The following HTR7 variants were observed in gnomAD, a reference collection of about 807,000 sequenced individuals.
The protein encoded by HTR7 is 5-hydroxytryptamine receptor 7, also known as 5-HT-7.
HTR7 carries 16 observed loss-of-function variants against 34.0 expected under a neutral mutation model. The ratio of observed to expected loss-of-function variants is 0.47; its 90% CI spans 0.32 to 0.71. HTR7 has a LOEUF of 0.71. Ranked by LOEUF, HTR7 falls within the 30% of genes least tolerant of loss-of-function variation. The pLI, the probability that HTR7 is intolerant of heterozygous loss-of-function variation, is 0.04. For synonymous variants in HTR7, 265 were observed against 260.2 expected (o/e 1.02, Z -0.18); for missense variants, 504 against 625.5 (o/e 0.81, Z 2.07).
chr10:90,808,180 G>A lies in HTR7; in HGVS notation c.539+48953C>T, dbSNP rs534666584. Among the ~76,000 whole-genome samples, 9 of 152,210 alleles carry A rather than the reference G, an allele frequency of 5.9e-5. No individual in the cohort carries two copies. In the East Asian group the frequency reaches 9.7e-4, roughly 16 times the overall value. ...CCTGCCTTGGTCCTTCACCCTTAGC[G>A]GCAAGTCCCACTTTTCTGGGGGGGG... On this transcript the variant is annotated intron_variant, in intron 1 of 3. Transcript: ENST00000336152.
chr10:90,762,669 T>A (rs1293525326), intron 1 of HTR7, among the ~76,000 whole-genome samples: 4 of 152,214 alleles, frequency 2.6e-5, no homozygotes, highest in African/African-American at 9.6e-5. Flanking sequence ...TTTGCTTTTG[T>A]TGCTTGTCCT....
chr10:90,749,068 T>A lies in HTR7; in HGVS notation c.1066A>T (p.Thr356Ser), dbSNP rs780488104. 1 of 1,614,026 alleles carries A rather than the reference T, an allele frequency of 6.2e-7. No homozygotes were observed. The highest frequency in any genetic ancestry group is 8.5e-7 in the Non-Finnish European group (1 of 1,179,962). ...LSTARPFICGTSCSCIPLWVE... is the reference protein window; with the variant it reads ...LSTARPFICGSSCSCIPLWVE... ...CACAGTGGGATGCAGCTGCAGGAAG[T>A]GCCACAGATGAAGGGTCTGGCTGTC... The change falls in exon 2 of 4, where the codon ACT becomes TCT. Residue 356 changes from threonine to serine, a missense_variant. By Grantham distance (58) the Thr-to-Ser change is moderately conservative. Around this residue, in one of 4 missense-constraint regions of HTR7, gnomAD observed 154 missense variants for 212.1 expected, o/e 0.73. Transcript: ENST00000336152. This position sits in a 1 kb window ranked among gnomAD's most constrained non-coding sequence, Gnocchi z 4.2.
intron 1 of HTR7, among the ~76,000 whole-genome samples, chr10:90,799,340 T>G (rs534014562): frequency 1.3e-3 from 31 of 22,996 alleles, no homozygotes; most frequent in Admixed American, 3.0e-3. Flanking sequence ...CGGCTCTGCA[T>G]GAATGAATGA....
intron 1 of HTR7, among the ~76,000 whole-genome samples, chr10:90,779,867 C>G (rs1845277931): frequency 6.6e-6 from 1 of 152,174 alleles, no homozygotes; most frequent in Non-Finnish European, 1.5e-5. Context: ...TTATTTTTTA[C>G]CTCCATACTT....
rs970982060 is a variant in HTR7, at chr10:90,830,364, T to C, written c.539+26769A>G. On this transcript the variant is annotated intron_variant, in intron 1 of 3. Transcript: ENST00000336152. Reference sequence around the variant, plus strand: ...CTTGCTTACACAGCTTCTAAATTTGTAACCAGATGAAACACAGAAGCCCAT... The same window carrying C: ...CTTGCTTACACAGCTTCTAAATTTGCAACCAGATGAAACACAGAAGCCCAT... Among the ~76,000 whole-genome samples the C allele has an allele frequency of 2.0e-5, 3 of 152,238 alleles. No individual in the cohort carries two copies. The East Asian group carries it at 5.8e-4, about 29-fold the overall frequency.
At chr10:90,833,113 C>T (rs1039555897) in intron 1 of HTR7, among the ~76,000 whole-genome samples, 2 of 152,150 alleles carry the variant, frequency 1.3e-5, no homozygotes, top group East Asian at 1.9e-4. Flanking sequence ...GAGGATAGCT[C>T]GACCTCAACT....
Position 90,740,912 on chromosome 10 carries a change from T to C in HTR7, c.*1570A>G, listed in dbSNP as rs1277253831. ...TAAAACATTTTCAAGTTTAACAATA[T>C]GTATCTGACCATAAATAATCATTTA... On this transcript the variant is annotated 3_prime_UTR_variant, in exon 4 of 4. Coordinates refer to ENST00000336152, the MANE Select transcript of HTR7 (RefSeq NM_019859.4). 6.6e-6 allele frequency: 1 copy of C among 152,582 alleles called. No homozygotes were observed. The highest frequency in any genetic ancestry group is 1.5e-5 in the Non-Finnish European group (1 of 68,030). 9.5% of individuals were successfully genotyped at this position (152,582 alleles called of 1,614,324 possible).
At chr10:90,817,569 C>A (rs1427074261) in intron 1 of HTR7, among the ~76,000 whole-genome samples, 3 of 152,204 alleles carry the variant, frequency 2.0e-5, no homozygotes. Context: ...TGTCTCACTG[C>A]TGCCCCATCC....
intron 1 of HTR7, among the ~76,000 whole-genome samples, chr10:90,788,028 T>A (rs1028960187): frequency 3.3e-5 from 5 of 152,122 alleles, no homozygotes; most frequent in African/African-American, 1.2e-4. Flanking sequence ...AAATAAATGA[T>A]TTGCCTTTGA....
At chr10:90,838,504 T>C (rs910782576) in intron 1 of HTR7, among the ~76,000 whole-genome samples, 1 of 152,228 alleles carries the variant, frequency 6.6e-6, no homozygotes. Flanking sequence ...CTCCATTTCA[T>C]TCTCCACAAA....
intron 1 of HTR7, among the ~76,000 whole-genome samples, chr10:90,753,208 A>T (rs1844770142): frequency 1.3e-5 from 2 of 151,816 alleles, no homozygotes; most frequent in South Asian, 4.2e-4. Flanking sequence ...TCCCAATAAA[A>T]ATATTTAAGC....
At chr10:90,809,796 G>C (rs1302731295) in intron 1 of HTR7, among the ~76,000 whole-genome samples, 1 of 152,192 alleles carries the variant, frequency 6.6e-6, no homozygotes, top group African/African-American at 2.4e-5. Flanking sequence ...CTGGAAATCG[G>C]ACTGTCCAAC....
intron 1 of HTR7, among the ~76,000 whole-genome samples, chr10:90,792,325 T>C (rs1845471072): frequency 6.6e-6 from 1 of 152,116 alleles, no homozygotes; most frequent in African/African-American, 2.4e-5. Context: ...AGGACTCTTT[T>C]GGGTTTGTTT....
chr10:90,803,068 A>G (rs1199610648), intron 1 of HTR7, among the ~76,000 whole-genome samples: 1 of 149,032 alleles, frequency 6.7e-6, no homozygotes. Flanking sequence ...TATGGGCCTA[A>G]AGCAACCTCA....
intron 1 of HTR7, among the ~76,000 whole-genome samples, chr10:90,758,005 T>C (rs184923752): frequency 6.6e-6 from 1 of 152,200 alleles, no homozygotes; most frequent in Admixed American, 6.5e-5. Context: ...CAGAACATCA[T>C]CAGGGCAGAT....
chr10:90,776,194 T>C (rs984065459), intron 1 of HTR7, among the ~76,000 whole-genome samples: 26 of 152,166 alleles, frequency 1.7e-4, no homozygotes, highest in African/African-American at 5.8e-4. Flanking sequence ...CTGCTCTTTG[T>C]TCCCCCAGTC....
chr10:90,857,411 G>C lies in HTR7; in HGVS notation c.261C>G (p.Ile87Met). Reference sequence around the variant, plus strand: ...TCGTCAGCAGCGTGATGAGCGTCAGGATGGAGCCGATCACAACTTTCTCGA... The same window carrying C: ...TCGTCAGCAGCGTGATGAGCGTCAGCATGGAGCCGATCACAACTTTCTCGA... The part of the protein sequence containing the change: ...GRVEKVVIGS[I>M]LTLITLLTIA... The change falls in exon 1 of 4, where the codon ATC becomes ATG. Residue 87 changes from isoleucine (I) to methionine (M), a missense_variant. Ile to Met is a conservative substitution (Grantham distance 10). Coordinates refer to ENST00000336152, the MANE Select transcript of HTR7 (RefSeq NM_019859.4). This position sits in a 1 kb window ranked among gnomAD's most constrained non-coding sequence, Gnocchi z 6.5. The C allele has an allele frequency of 1.2e-6, 2 of 1,614,072 alleles. No homozygotes were observed. Among genetic ancestry groups the C allele is most frequent in the East Asian group, 4.5e-5 (2 of 44,854 alleles).
chr10:90,792,969 A>G (rs1845481914), intron 1 of HTR7, among the ~76,000 whole-genome samples: 1 of 152,134 alleles, frequency 6.6e-6, no homozygotes, highest in Non-Finnish European at 1.5e-5. Flanking sequence ...ACATAAAGAA[A>G]AGCTTCATAA....
At chr10:90,762,668 G>T (rs1844958781) in intron 1 of HTR7, among the ~76,000 whole-genome samples, 1 of 151,996 alleles carries the variant, frequency 6.6e-6, no homozygotes, top group African/African-American at 2.4e-5. Context: ...TTTTGCTTTT[G>T]TTGCTTGTCC....
Sources: allele counts gnomAD v4.1 joint callset (sites outside exome capture counted in the v4.1 genomes callset), GRCh38; gene constraint gnomAD v4.1.1; regional missense constraint gnomAD v4.1.1; non-coding constraint Gnocchi (gnomAD v3.1); transcripts MANE v1.5; gene names NCBI Gene and HGNC (gene_info 2026-07-23, HGNC 2026-07-21).